ZFHX4: variants seen among roughly 807,000 people sequenced by gnomAD.
The protein encoded by ZFHX4 is zinc finger homeobox 4.
ZFHX4 carries 56 observed loss-of-function variants against 267.6 expected under a neutral mutation model. The observed-to-expected ratio is 0.21, with a 90% confidence interval of 0.17 to 0.26. The LOEUF is 0.26. ZFHX4 is among the 10% of genes least tolerant of loss of function. ZFHX4 has a pLI of 1.00. For synonymous variants in ZFHX4, 1,778 were observed against 1,665.6 expected (o/e 1.07, Z -1.64); for missense variants, 4,332 against 4,420.0 (o/e 0.98, Z 0.56).
At chr8:76,796,103 C>T (rs973433953) in intron 4 of ZFHX4, among the ~76,000 whole-genome samples, 3 of 152,026 alleles carry the variant, frequency 2.0e-5, no homozygotes, top group Non-Finnish European at 4.4e-5. Context: ...TTGCCAAAGT[C>T]CACAAGCCTA....
intron 3 of ZFHX4, among the ~76,000 whole-genome samples, chr8:76,774,909 C>T (rs1810364874): frequency 1.3e-5 from 2 of 152,052 alleles, no homozygotes; most frequent in African/African-American, 2.4e-5. Context: ...TTCATTTTTA[C>T]TTCTACAAAA....
intron 3 of ZFHX4, among the ~76,000 whole-genome samples, chr8:76,762,109 A>G (rs1197491841): frequency 6.6e-6 from 1 of 152,198 alleles, no homozygotes; most frequent in Non-Finnish European, 1.5e-5. Flanking sequence ...TTGTTCTAAT[A>G]GATACCATCA....
At chr8:76,696,290 ACATGCATCTT>A (rs1251633227) in intron 1 of ZFHX4, among the ~76,000 whole-genome samples, 1 of 152,144 alleles carries the variant, frequency 6.6e-6, no homozygotes, top group African/African-American at 2.4e-5. Context: ...GTTCCTCTGA[ACATGCATCTT>A]TTGAATCAAT....
At chr8:76,710,470 A>T (rs17435318) in intron 3 of ZFHX4, among the ~76,000 whole-genome samples, 5,638 of 152,272 alleles carry the variant, frequency 0.037, 133 homozygotes, top group Middle Eastern at 0.11. Context: ...TTAAATGAGA[A>T]CGTAACAACT....
Position 76,853,776 on chromosome 8 carries a change from T to C in ZFHX4, c.6855T>C (p.Tyr2285=), listed in dbSNP as rs747680510. 8 of 1,613,666 alleles carry C rather than the reference T, an allele frequency of 5.0e-6. No homozygotes were observed. Among genetic ancestry groups the C allele is most frequent in the Middle Eastern group, 1.6e-4 (1 of 6,062 alleles). ...QNARQKARKS[Y]ENQAETKDNE... ...CTCGTCAGAAAGCACGAAAGAGTTA[T>C]GAGAATCAAGCAGAAACAAAAGATA... The change falls in exon 10 of 11, where the codon TAT becomes TAC. Residue 2285 remains tyrosine, a synonymous_variant. Coordinates refer to ENST00000651372, the MANE Select transcript of ZFHX4 (RefSeq NM_024721.5).
At chr8:76,791,166 A>G (rs919199953) in intron 4 of ZFHX4, among the ~76,000 whole-genome samples, 1 of 152,144 alleles carries the variant, frequency 6.6e-6, no homozygotes, top group East Asian at 1.9e-4. Context: ...TTTCCTTGCC[A>G]TTCATTGAGG....
chr8:76,756,378 A>G (rs1039466470), intron 3 of ZFHX4, among the ~76,000 whole-genome samples: 1 of 151,230 alleles, frequency 6.6e-6, no homozygotes, highest in African/African-American at 2.4e-5. Flanking sequence ...TTCAAGACAC[A>G]TTTTTTTTTA....
rs779383541 is a variant in ZFHX4, at chr8:76,718,457, TA to T, written c.3093+10415del. Among the ~76,000 whole-genome samples, 181 of 152,272 alleles carry T rather than the reference TA, an allele frequency of 1.2e-3. 1 individual carries two copies. The highest frequency in any genetic ancestry group is 2.0e-3 in the Non-Finnish European group (134 of 68,014). On this transcript the variant is annotated intron_variant, in intron 3 of 10. Coordinates refer to ENST00000651372, the MANE Select transcript of ZFHX4 (RefSeq NM_024721.5). ...ATTTTTATTAGAAAATTAGGTAATT[TA>T]AAAAACCCGCACATTTGGATGGAAT... is the stretch of plus-strand genomic sequence containing the variant.
At chr8:76,738,628 T>TCCTTCCTTCCC (rs1809230097) in intron 3 of ZFHX4, among the ~76,000 whole-genome samples, 1 of 78,036 alleles carries the variant, frequency 1.3e-5, no homozygotes, top group Non-Finnish European at 2.6e-5. Context: ...CCTTCCTTCT[T>TCCTTCCTTCCC]TCCTTCCTTC....
At chr8:76,829,923 C>T (rs1386935815) in intron 4 of ZFHX4, among the ~76,000 whole-genome samples, 1 of 151,876 alleles carries the variant, frequency 6.6e-6, no homozygotes, top group Admixed American at 6.6e-5. Context: ...CAGGCCTGAA[C>T]GAGAATGACA....
intron 3 of ZFHX4, among the ~76,000 whole-genome samples, chr8:76,774,260 G>T (rs1270900815): frequency 6.6e-6 from 1 of 151,886 alleles, no homozygotes; most frequent in Non-Finnish European, 1.5e-5. Context: ...GAGATTACTA[G>T]AAAAAAAATT....
intron 3 of ZFHX4, among the ~76,000 whole-genome samples, chr8:76,770,544 T>C (rs1265631358): frequency 6.6e-6 from 1 of 152,046 alleles, no homozygotes; most frequent in East Asian, 1.9e-4. Flanking sequence ...GAATTGGAGA[T>C]AAAATAATGA....
intron 1 of ZFHX4, among the ~76,000 whole-genome samples, chr8:76,687,557 CTGTCACAGAAAAGAG>C (rs1216569765): frequency 1.3e-5 from 2 of 152,198 alleles, no homozygotes; most frequent in Non-Finnish European, 2.9e-5. Context: ...AAGGTCACTT[CTGTCACAGAAAAGAG>C]TTTCTGCAGT....
rs1413495988 is a variant in ZFHX4 at position 76,853,590 on chromosome 8, A to T, written c.6669A>T (p.Ser2223=). 6.2e-7 allele frequency: 1 copy of T among 1,613,924 alleles called. No homozygotes were observed. Among genetic ancestry groups the T allele is most frequent in the South Asian group, 1.1e-5 (1 of 91,074 alleles). Residue 2223 remains serine, a synonymous_variant, in exon 10 of 11, where the codon TCA becomes TCT. Transcript: ENST00000651372. The part of the protein sequence containing the change: ...TSLEHYKSDA[S]FSKRSSRTRF... ...TAGAACATTACAAATCTGATGCATC[A>T]TTCAGTAAAAGGTCTTCTAGAACGA...
At chr8:76,722,068 TCAAA>T (rs1369954347) in intron 3 of ZFHX4, among the ~76,000 whole-genome samples, 3 of 152,112 alleles carry the variant, frequency 2.0e-5, no homozygotes, top group Non-Finnish European at 4.4e-5. Context: ...CCTATTTGTT[TCAAA>T]CAGTTACTAA....
intron 4 of ZFHX4, among the ~76,000 whole-genome samples, chr8:76,793,838 A>G (rs1810902438): frequency 6.6e-6 from 1 of 152,170 alleles, no homozygotes; most frequent in Non-Finnish European, 1.5e-5. Flanking sequence ...CTACACACAC[A>G]AATCAAAACA....
chr8:76,752,858 TATA>T (rs1809657245), intron 3 of ZFHX4, among the ~76,000 whole-genome samples: 1 of 152,224 alleles, frequency 6.6e-6, no homozygotes, highest in Non-Finnish European at 1.5e-5. Flanking sequence ...GTGAATTCAC[TATA>T]ATAACTTATG....
At chr8:76,821,944 AT>A (rs1172078850) in intron 4 of ZFHX4, among the ~76,000 whole-genome samples, 2 of 151,914 alleles carry the variant, frequency 1.3e-5, no homozygotes, top group East Asian at 3.9e-4. Context: ...CCATTAATGC[AT>A]TGTCCTCTCT....
At chr8:76,758,617 C>T (rs1028575055) in intron 3 of ZFHX4, among the ~76,000 whole-genome samples, 1 of 152,164 alleles carries the variant, frequency 6.6e-6, no homozygotes, top group Non-Finnish European at 1.5e-5. Flanking sequence ...GCCTCAGCCT[C>T]CCAAGTAGCT....
Sources: gnomAD v4.1 joint callset for allele counts (sites outside exome capture counted in the v4.1 genomes callset) on GRCh38, gnomAD v4.1.1 for gene constraint, MANE v1.5 for transcripts, NCBI Gene and HGNC (gene_info 2026-07-23, HGNC 2026-07-21) for gene names.